NAV2: variants seen among roughly 807,000 people sequenced by gnomAD.
The protein encoded by NAV2 is helicase, APC down-regulated 1.
Under a neutral mutation model 223.2 loss-of-function variants are expected in NAV2, and 54 were observed. That is an observed-to-expected ratio of 0.24 (90% CI 0.19 to 0.30). The LOEUF (loss-of-function observed/expected upper bound fraction) is 0.30, where lower values mean the gene tolerates loss of function less well. NAV2 is among the 10% of genes least tolerant of loss of function. NAV2 has a pLI of 1.00. For synonymous variants in NAV2, 1,279 were observed against 1,239.3 expected (o/e 1.03, Z -0.67); for missense variants, 2,806 against 3,147.5 (o/e 0.89, Z 2.60).
chr11:19,396,727 G>T (rs540549928), intron 1 of NAV2, among the ~76,000 whole-genome samples: 1 of 152,314 alleles, frequency 6.6e-6, no homozygotes, highest in South Asian at 2.1e-4. Context: ...GGGGCCTCCA[G>T]TTCGTATTTG....
rs764056526 is a variant in NAV2, at chr11:19,984,220, C to A, written c.2741C>A (p.Thr914Asn). ...AVVRETLQRN[T>N]SLGLGDADSW... Reference sequence around the variant, plus strand: ...GTACGGGAGACCCTGCAACGAAATACCTCCCTGGGCCTCGGAGACGCTGAC... The same window carrying A: ...GTACGGGAGACCCTGCAACGAAATAACTCCCTGGGCCTCGGAGACGCTGAC... The change falls in exon 11 of 38, where the codon ACC (threonine) becomes AAC (asparagine). Residue 914 changes from threonine (T) to asparagine (N), a missense_variant. Physicochemically the swap from Thr to Asn is moderately conservative, Grantham distance 65. Around this residue, in one of 4 missense-constraint regions of NAV2, gnomAD observed 73 missense variants for 119.7 expected, o/e 0.61. Coordinates refer to ENST00000349880, the MANE Select transcript of NAV2 (RefSeq NM_145117.5). 14 of 1,614,186 alleles carry A rather than the reference C, an allele frequency of 8.7e-6. No individual in the cohort carries two copies. The highest frequency in any genetic ancestry group is 1.1e-5 in the Non-Finnish European group (13 of 1,180,006).
chr11:19,582,046 T>G (rs2045736249), intron 1 of NAV2, among the ~76,000 whole-genome samples: 1 of 152,248 alleles, frequency 6.6e-6, no homozygotes, highest in African/African-American at 2.4e-5. Context: ...GACTTTTTAA[T>G]GATTGCCATT....
chr11:19,351,852 G>A (rs2702753), intron 1 of NAV2, among the ~76,000 whole-genome samples: 1 of 144,470 alleles, frequency 6.9e-6, no homozygotes, highest in Non-Finnish European at 1.5e-5. Context: ...TGTTCTTTCA[G>A]AGTGGTGTGG....
chr11:19,422,207 T>C (rs1385795485), intron 1 of NAV2, among the ~76,000 whole-genome samples: 1 of 152,180 alleles, frequency 6.6e-6, no homozygotes, highest in Non-Finnish European at 1.5e-5. Context: ...TGAGTCCTTG[T>C]TCCAGTGACA....
rs555687571 is a variant in NAV2 at position 20,001,495 on chromosome 11, C to T, written c.2768+17248C>T. On this transcript the variant is annotated intron_variant, in intron 11 of 37. Transcript: ENST00000349880. ...AGTTTTAGATGGATGGGTTATCTCTCTCCATCCAGAGACCTTGGCTTTTTC... is the reference window on the plus strand; with the variant it reads ...AGTTTTAGATGGATGGGTTATCTCTTTCCATCCAGAGACCTTGGCTTTTTC... Among the ~76,000 whole-genome samples the T allele has an allele frequency of 4.6e-5, 7 of 152,222 alleles. No individual in the cohort carries two copies. The South Asian group carries it at 1.5e-3, about 32-fold the overall frequency.
intron 1 of NAV2, among the ~76,000 whole-genome samples, chr11:19,532,487 A>C (rs34433267): frequency 0.11 from 16,524 of 152,238 alleles, 980 homozygotes; most frequent in East Asian, 0.16. Flanking sequence ...TTCCTCTTCC[A>C]GCTCAGGCAT....
chr11:19,912,711 C>A (rs995382362), intron 6 of NAV2, among the ~76,000 whole-genome samples: 2 of 152,148 alleles, frequency 1.3e-5, no homozygotes, highest in African/African-American at 4.8e-5. Context: ...CCAGACTGTG[C>A]CTTATTTCTC....
intron 1 of NAV2, chr11:19,351,113 C>G: frequency 1.5e-6 from 2 of 1,310,970 alleles, no homozygotes; most frequent in Non-Finnish European, 2.2e-6. Context: ...CATCATCGAG[C>G]ATGCTTGTCT....
At chr11:19,539,543 T>A (rs1352721338) in intron 1 of NAV2, among the ~76,000 whole-genome samples, 2 of 152,182 alleles carry the variant, frequency 1.3e-5, no homozygotes, top group Non-Finnish European at 2.9e-5. Flanking sequence ...CAAAGTAAAC[T>A]TAGGTACATA....
intron 22 of NAV2, among the ~76,000 whole-genome samples, chr11:20,072,855 TA>T (rs1424743040): frequency 6.6e-6 from 1 of 152,220 alleles, no homozygotes; most frequent in African/African-American, 2.4e-5. Context: ...TGGGGTTTTC[TA>T]AACATACAAT....
intron 1 of NAV2, among the ~76,000 whole-genome samples, chr11:19,461,848 TGTGCTG>T (rs1443364955): frequency 1.3e-5 from 2 of 152,198 alleles, no homozygotes; most frequent in East Asian, 3.9e-4. Context: ...GAAACTAGAC[TGTGCTG>T]GAGTGCAGTG....
chr11:19,935,851 G>GTTTTTTTTTTTTGTTTTTTTTTT (rs1555156775), intron 7 of NAV2, among the ~76,000 whole-genome samples: 27 of 52,690 alleles, frequency 5.1e-4, no homozygotes, highest in African/African-American at 1.0e-3. Flanking sequence ...TTTTGTTTCT[G>GTTTTTTTTTTTTGTTTTTTTTTT]TTTTTTTTTT....
At chr11:19,772,766 A>G (rs2152602333) in intron 1 of NAV2, among the ~76,000 whole-genome samples, 1 of 152,238 alleles carries the variant, frequency 6.6e-6, no homozygotes, top group Non-Finnish European at 1.5e-5. Context: ...CATGCATGGG[A>G]GCAGTCTAGA....
At position 19,892,588 on chromosome 11, in the gene NAV2, G is replaced by A. The variant is rs538213280; in HGVS notation, c.925G>A (p.Glu309Lys). 9.3e-6 allele frequency: 15 copies of A among 1,613,408 alleles called. No homozygotes were observed. The highest frequency in any genetic ancestry group is 1.7e-5 in the Admixed American group (1 of 59,978). ...CCCACCCCCACCGCCAAGCAGCCAC[G>A]AGAAAGGTGAGTCACCTTCTTGAGG... is the stretch of plus-strand genomic sequence containing the variant. ...TSPPPPPSSH[E>K]KEPLASSASS... The change falls in exon 6 of 38, where the codon GAG becomes AAG. Residue 309 changes from glutamate to lysine, a missense_variant. Transcript: ENST00000349880.
chr11:20,042,593 C>G (rs1004373168), intron 12 of NAV2, among the ~76,000 whole-genome samples: 23 of 152,092 alleles, frequency 1.5e-4, no homozygotes, highest in Non-Finnish European at 2.5e-4. Flanking sequence ...GTTGGGGAGG[C>G]GATTGAACTT....
intron 11 of NAV2, among the ~76,000 whole-genome samples, chr11:20,033,824 G>T (rs545631751): frequency 6.6e-6 from 1 of 152,338 alleles, no homozygotes; most frequent in Admixed American, 6.5e-5. Context: ...GGGGTTATGT[G>T]TGTGTGTGGC....
At chr11:20,097,856 T>C (rs1289612856) in intron 31 of NAV2, 111 bp downstream of exon 31, 18 of 970,376 alleles carry the variant, frequency 1.9e-5, no homozygotes, top group East Asian at 2.6e-5. Context: ...ATTTGTGGGC[T>C]GCTTGTCTCC....
intron 1 of NAV2, among the ~76,000 whole-genome samples, chr11:19,565,091 C>T (rs938390511): frequency 2.0e-5 from 3 of 152,310 alleles, no homozygotes; most frequent in African/African-American, 7.2e-5. Flanking sequence ...GCCGAGATCA[C>T]ACCACTGTAC....
chr11:19,683,240 G>T (rs2048926213), intron 1 of NAV2, among the ~76,000 whole-genome samples: 1 of 152,226 alleles, frequency 6.6e-6, no homozygotes, highest in Non-Finnish European at 1.5e-5. Flanking sequence ...CTGTTTGAAT[G>T]GGGAGGGCCA....
Sources: allele counts gnomAD v4.1 joint callset (sites outside exome capture counted in the v4.1 genomes callset), GRCh38; gene constraint gnomAD v4.1.1; regional missense constraint gnomAD v4.1.1; transcripts MANE v1.5; gene names NCBI Gene and HGNC (gene_info 2026-07-23, HGNC 2026-07-21).